The following FLNB variants were observed in gnomAD, a reference collection of about 807,000 sequenced individuals.
The protein encoded by FLNB is filamin B.
Under a neutral mutation model 250.6 loss-of-function variants are expected in FLNB, and 111 were observed. The ratio of observed to expected loss-of-function variants is 0.44; its 90% CI spans 0.38 to 0.52. The LOEUF (loss-of-function observed/expected upper bound fraction) is 0.52, where lower values mean the gene tolerates loss of function less well. Ranked by LOEUF, FLNB falls within the 20% of genes least tolerant of loss-of-function variation. The pLI, the probability that FLNB is intolerant of heterozygous loss-of-function variation, is 0.00. For missense variants in FLNB, 2,869 were observed against 3,447.8 expected, an observed-to-expected ratio of 0.83 and a Z score of 4.20; for synonymous variants, 1,302 against 1,372.1, an observed-to-expected ratio of 0.95 and a Z score of 1.13.
At chr3:58,056,106 T>TTTA (rs1279571045) in intron 1 of FLNB, among the ~76,000 whole-genome samples, 173 of 116,370 alleles carry the variant, frequency 1.5e-3, no homozygotes, top group African/African-American at 7.8e-3. Flanking sequence ...TATTTATTTA[T>TTTA]TTTTTTTTTT....
At chr3:58,074,413 G>T (rs749012291) in intron 1 of FLNB, among the ~76,000 whole-genome samples, 5 of 152,140 alleles carry the variant, frequency 3.3e-5, no homozygotes, top group African/African-American at 4.8e-5. Flanking sequence ...CTGGGAAATG[G>T]TTCCAAAATC....
chr3:58,102,233 G>T lies in FLNB; in HGVS notation c.1376G>T (p.Gly459Val), dbSNP rs1301691038. 1 of 1,614,120 alleles carries T rather than the reference G, an allele frequency of 6.2e-7. No individual in the cohort carries two copies. Among genetic ancestry groups the T allele is most frequent in the Non-Finnish European group, 8.5e-7 (1 of 1,180,044 alleles). Residue 459 changes from glycine to valine, a missense_variant, in exon 9 of 46, where the codon GGC (glycine) becomes GTC (valine). By Grantham distance (109) the Gly-to-Val change is moderately radical. Coordinates refer to ENST00000295956, the MANE Select transcript of FLNB (RefSeq NM_001457.4). The stretch of plus-strand genomic sequence containing the variant: ...AATCCAAATGCCTGCCGGGCCAGTG[G>T]CCGAGGCCTACAACCCAAAGGCGTC... The part of the protein sequence containing the change: ...ACNPNACRAS[G>V]RGLQPKGVRI...
At position 58,145,979 on chromosome 3, in the gene FLNB, T is replaced by C. The variant is rs1265310957; in HGVS notation, c.5484T>C (p.Gly1828=). 6.2e-7 allele frequency: 1 copy of C among 1,614,180 alleles called. No individual in the cohort carries two copies. Among genetic ancestry groups the C allele is most frequent in the Non-Finnish European group, 8.5e-7 (1 of 1,180,018 alleles). Reference sequence around the variant, plus strand: ...ACAGTGGAAGTGTTTCTGCATACGGTCCAGGCCTCGTGTATGGAGTGGCCA... The same window carrying C: ...ACAGTGGAAGTGTTTCTGCATACGGCCCAGGCCTCGTGTATGGAGTGGCCA... ...YPNSGSVSAY[G]PGLVYGVANK... The change falls in exon 33 of 46, where the codon GGT becomes GGC. Residue 1828 remains glycine (G), a synonymous_variant. Transcript: ENST00000295956.
chr3:58,046,544 G>A (rs2097154609), intron 1 of FLNB, among the ~76,000 whole-genome samples: 1 of 151,292 alleles, frequency 6.6e-6, no homozygotes, highest in South Asian at 2.1e-4. Context: ...CCATCTCCCA[G>A]GTTCAAGCGA....
At chr3:58,069,201 G>T (rs1490763907) in intron 1 of FLNB, among the ~76,000 whole-genome samples, 2 of 150,036 alleles carry the variant, frequency 1.3e-5, no homozygotes, top group Non-Finnish European at 3.0e-5. Flanking sequence ...TTTCTTTCAG[G>T]GAGGTCTGAT....
intron 35 of FLNB, 141 bp downstream of exon 35, chr3:58,148,505 C>A: frequency 8.1e-7 from 1 of 1,230,306 alleles, no homozygotes; most frequent in Non-Finnish European, 1.2e-6. Flanking sequence ...GATAAATGCC[C>A]AAGCGTATTT....
chr3:58,117,997 G>GGTGAAGGGT (rs1241209183), intron 18 of FLNB, among the ~76,000 whole-genome samples: 1 of 152,252 alleles, frequency 6.6e-6, no homozygotes, highest in Non-Finnish European at 1.5e-5. Context: ...GGCCGATTGT[G>GGTGAAGGGT]GTGAAGGGGA....
chr3:58,100,589 C>CTTTTTTTTTTTTTTTTTTTTTCT (rs147921421), intron 8 of FLNB, among the ~76,000 whole-genome samples: 1 of 124,966 alleles, frequency 8.0e-6, no homozygotes, highest in African/African-American at 3.2e-5. Context: ...TTTTCTTTTT[C>CTTTTTTTTTTTTTTTTTTTTTCT]TTTTTTTTTT....
Position 58,008,723 on chromosome 3 carries a change from G to C in FLNB, c.159G>C (p.Leu53=). The change falls in exon 1 of 46, where the codon CTG becomes CTC. Residue 53 remains leucine, a synonymous_variant. Coordinates refer to ENST00000295956, the MANE Select transcript of FLNB (RefSeq NM_001457.4). ...GCGACGGGCTGCGGCTCATCGCGCT[G>C]CTCGAGGTGCTCAGCCAGAAGCGCA... The part of the protein sequence containing the change: ...DLSDGLRLIA[L]LEVLSQKRMY... 1 of 1,614,164 alleles carries C rather than the reference G, an allele frequency of 6.2e-7. No individual in the cohort carries two copies. Among genetic ancestry groups the C allele is most frequent in the South Asian group, 1.1e-5 (1 of 91,082 alleles).
chr3:58,027,206 G>A (rs972313071), intron 1 of FLNB, among the ~76,000 whole-genome samples: 21 of 151,940 alleles, frequency 1.4e-4, no homozygotes, highest in Non-Finnish European at 2.5e-4. Flanking sequence ...AGTCTGGAGT[G>A]CAGTGGCGCG....
Position 58,150,184 on chromosome 3 carries a change from G to T in FLNB, c.6324G>T (p.Val2108=), listed in dbSNP as rs774768633. The T allele has an allele frequency of 1.9e-6, 3 of 1,614,216 alleles. No homozygotes were observed. Among genetic ancestry groups the T allele is most frequent in the Non-Finnish European group, 2.5e-6 (3 of 1,180,040 alleles). Residue 2108 remains valine, a synonymous_variant, in exon 38 of 46, where the codon GTG becomes GTT. Coordinates refer to ENST00000295956, the MANE Select transcript of FLNB (RefSeq NM_001457.4). ...SITRTSRAPS[V]ATVGSICDLN... ...CCCGCACCAGTCGGGCCCCGTCCGT[G>T]GCCACTGTCGGGAGCATTTGTGACC...
At chr3:58,099,447 C>A (rs2097245490) in intron 8 of FLNB, among the ~76,000 whole-genome samples, 1 of 152,300 alleles carries the variant, frequency 6.6e-6, no homozygotes, top group Admixed American at 6.5e-5. Flanking sequence ...TTGGCCTTAC[C>A]CTTAACTACT....
intron 29 of FLNB, 67 bp from the exon 30 acceptor site, chr3:58,141,790 TG>T: frequency 7.2e-7 from 1 of 1,394,256 alleles, no homozygotes; most frequent in Non-Finnish European, 1.0e-6. Flanking sequence ...AGCAGCTCTG[TG>T]GTGGTAGTCT....
rs144679510 is a variant in FLNB, at chr3:58,115,384, T to C, written c.2745+3066T>C. On this transcript the variant is annotated intron_variant, in intron 18 of 45. Coordinates refer to ENST00000295956, the MANE Select transcript of FLNB (RefSeq NM_001457.4). ...ATTTTGTGACTTCTGCTTTATTCTA[T>C]GTCTATATGCCTTTTAGTGTTTTGG... 3.0e-3 allele frequency among the ~76,000 whole-genome samples: 460 copies of C among 152,360 alleles called. 1 individual carries two copies. Among genetic ancestry groups the C allele is most frequent in the African/African-American group, 0.011 (445 of 41,592 alleles).
At chr3:58,159,089 G>A (rs553796551) in intron 41 of FLNB, among the ~76,000 whole-genome samples, 138 of 151,950 alleles carry the variant, frequency 9.1e-4, no homozygotes, top group African/African-American at 2.9e-3. Context: ...CTTTGCACAC[G>A]TAGCCCTTTA....
rs1295104370 is a variant in FLNB at position 58,169,504 on chromosome 3, T to A, written c.7418-86T>A. 13 of 1,071,288 alleles carry A rather than the reference T, an allele frequency of 1.2e-5. No individual in the cohort carries two copies. The South Asian group carries it at 1.5e-4, about 12-fold the overall frequency. The allele number at this position is 1,071,288 out of a possible 1,614,324, so 66.4% of individuals were successfully genotyped here. A position where few individuals can be genotyped will look rare whatever the true frequency, so the allele number is the denominator to read the frequency against. ...GGTGCGCGGGCTCTCCTGGGGTTAC[T>A]GTGTAGGGTACTCGCCTGTCCTCTG... On this transcript the variant is annotated intron_variant, in intron 44 of 45. Transcript: ENST00000295956. This position sits in a 1 kb window ranked among gnomAD's most constrained non-coding sequence, Gnocchi z 4.8.
At chr3:58,114,154 A>C (rs2097273888) in intron 18 of FLNB, among the ~76,000 whole-genome samples, 1 of 151,476 alleles carries the variant, frequency 6.6e-6, no homozygotes, top group Non-Finnish European at 1.5e-5. Flanking sequence ...TCTGTTCCTC[A>C]AGCTGGAGTG....
intron 7 of FLNB, among the ~76,000 whole-genome samples, chr3:58,098,331 TTTG>T (rs1218207763): frequency 1.3e-5 from 2 of 152,088 alleles, no homozygotes; most frequent in East Asian, 1.9e-4. Context: ...GTTTACTTGT[TTTG>T]TTGTTGTTGT....
intron 42 of FLNB, among the ~76,000 whole-genome samples, chr3:58,162,312 G>A (rs2097363145): frequency 1.3e-5 from 2 of 152,156 alleles, no homozygotes; most frequent in African/African-American, 4.8e-5. Flanking sequence ...GGGCAGGAGG[G>A]CTTCAAGGAG....
Sources: allele counts gnomAD v4.1 joint callset (sites outside exome capture counted in the v4.1 genomes callset), GRCh38; gene constraint gnomAD v4.1.1; non-coding constraint Gnocchi (gnomAD v3.1); transcripts MANE v1.5; gene names NCBI Gene and HGNC (gene_info 2026-07-23, HGNC 2026-07-21).